Variants in RASAL2 observed in about 807,000 individuals in gnomAD.
RASAL2 encodes RAS protein activator like 2.
A neutral mutation model predicts 128.9 loss-of-function variants in RASAL2; 58 were observed. The observed-to-expected ratio is 0.45, with a 90% CI of 0.36 to 0.56. The LOEUF is 0.56. Ranked by LOEUF, RASAL2 falls within the 20% of genes least tolerant of loss-of-function variation. The probability of loss-of-function intolerance (pLI) is 0.00; values close to 1 mark genes in which losing one functional copy is unlikely to be tolerated. For missense variants in RASAL2, 1,360 were observed against 1,601.6 expected (o/e 0.85, Z 2.57); for synonymous variants, 561 against 580.8 (o/e 0.97, Z 0.49).
intron 9 of RASAL2, among the ~76,000 whole-genome samples, chr1:178,449,243 T>C (rs1185494402): frequency 2.0e-5 from 3 of 152,168 alleles, no homozygotes; most frequent in African/African-American, 4.8e-5. Flanking sequence ...TGTTTAGACT[T>C]GAATCTTCCA....
At chr1:178,103,232 A>T (rs948278398) in intron 1 of RASAL2, among the ~76,000 whole-genome samples, 4 of 149,492 alleles carry the variant, frequency 2.7e-5, no homozygotes, top group Non-Finnish European at 5.9e-5. Flanking sequence ...TTTTCCTTTC[A>T]TTTTGTAAAG....
chr1:178,336,357 CAA>C (rs1280878091), intron 3 of RASAL2, among the ~76,000 whole-genome samples: 2 of 151,820 alleles, frequency 1.3e-5, no homozygotes, highest in African/African-American at 4.8e-5. Flanking sequence ...AGTGGTAAGC[CAA>C]AGACTGATTG....
intron 1 of RASAL2, among the ~76,000 whole-genome samples, chr1:178,193,707 C>T (rs552215508): frequency 6.6e-6 from 1 of 152,066 alleles, no homozygotes; most frequent in East Asian, 1.9e-4. Context: ...TTTCCTTGTA[C>T]CTAAACACTT....
At chr1:178,233,391 A>T (rs1664090932) in intron 1 of RASAL2, among the ~76,000 whole-genome samples, 1 of 152,226 alleles carries the variant, frequency 6.6e-6, no homozygotes, top group South Asian at 2.1e-4. Flanking sequence ...AACAAGTTTA[A>T]AGAGTTATCC....
chr1:178,453,819 T>G (rs947857590), intron 11 of RASAL2, among the ~76,000 whole-genome samples: 3 of 152,160 alleles, frequency 2.0e-5, no homozygotes, highest in Non-Finnish European at 2.9e-5. Context: ...AAATTGGAAC[T>G]TCAGTGAACA....
chr1:178,379,099 T>C, intron 3 of RASAL2, among the ~76,000 whole-genome samples: 1 of 152,130 alleles, frequency 6.6e-6, no homozygotes, highest in Middle Eastern at 3.2e-3. Context: ...AATAGACTAT[T>C]ATAAAAAAGA....
At chr1:178,243,190 G>C (rs986675393) in intron 1 of RASAL2, among the ~76,000 whole-genome samples, 2 of 152,150 alleles carry the variant, frequency 1.3e-5, no homozygotes, top group African/African-American at 4.8e-5. Flanking sequence ...TGTGCTTCCA[G>C]TGACAATTTA....
At position 178,389,990 on chromosome 1, in the gene RASAL2, A is replaced by G. The variant is rs1672797831; in HGVS notation, c.458-110A>G. 18 of 678,632 alleles carry G rather than the reference A, an allele frequency of 2.7e-5. 1 individual carries two copies. The South Asian group carries it at 3.7e-4, about 14-fold the overall frequency. 42.0% of individuals were successfully genotyped at this position (678,632 alleles called of 1,614,324 possible). On this transcript the variant is annotated intron_variant, in intron 3 of 17. Transcript: ENST00000367649. The stretch of plus-strand genomic sequence containing the variant: ...AATTATGTGAGATAGAATGTAATAT[A>G]CCTTTAAAGCATGCTGGTTTATTGT...
intron 1 of RASAL2, among the ~76,000 whole-genome samples, chr1:178,241,585 G>A (rs1238233942): frequency 6.6e-6 from 1 of 152,176 alleles, no homozygotes; most frequent in East Asian, 1.9e-4. Context: ...AATTTAACTA[G>A]AATACATTGA....
At position 178,404,523 on chromosome 1, in the gene RASAL2, A is replaced by G. The variant is rs374434186; in HGVS notation, c.564+14317A>G. On this transcript the variant is annotated intron_variant, in intron 4 of 17. Coordinates refer to ENST00000367649, the MANE Select transcript of RASAL2 (RefSeq NM_170692.4). ...AGCCTCTGGAGTAGCTGGGACTACA[A>G]GCCCGTACCACCACGCCCAGATAAT... Among the ~76,000 whole-genome samples the G allele has an allele frequency of 7.3e-5, 11 of 151,582 alleles. No individual in the cohort carries two copies. The East Asian group carries it at 1.6e-3, about 22-fold the overall frequency.
At chr1:178,319,787 C>G (rs1668663168) in intron 3 of RASAL2, among the ~76,000 whole-genome samples, 1 of 152,188 alleles carries the variant, frequency 6.6e-6, no homozygotes, top group Non-Finnish European at 1.5e-5. Flanking sequence ...GCCTTCTTCT[C>G]TCAGCTCGTC....
At chr1:178,352,471 C>T (rs1314734308) in intron 3 of RASAL2, among the ~76,000 whole-genome samples, 3 of 152,092 alleles carry the variant, frequency 2.0e-5, no homozygotes, top group African/African-American at 7.2e-5. Flanking sequence ...CAATCCATTC[C>T]TGTGGGCCTT....
At chr1:178,397,916 G>T (rs1581056) in intron 4 of RASAL2, among the ~76,000 whole-genome samples, 1 of 151,888 alleles carries the variant, frequency 6.6e-6, no homozygotes, top group African/African-American at 2.4e-5. Flanking sequence ...ATGCCCAGCA[G>T]AGTTGCACAC....
chr1:178,429,726 A>G (rs1225072183), intron 5 of RASAL2, among the ~76,000 whole-genome samples: 1 of 152,082 alleles, frequency 6.6e-6, no homozygotes, highest in Non-Finnish European at 1.5e-5. Flanking sequence ...ACTCCTGCCA[A>G]AAGTCTTCTT....
chr1:178,402,805 G>T (rs1673730964), intron 4 of RASAL2, among the ~76,000 whole-genome samples: 1 of 151,820 alleles, frequency 6.6e-6, no homozygotes, highest in Admixed American at 6.6e-5. Context: ...TATTCTTAGA[G>T]TCCTAGAAAT....
chr1:178,214,699 C>T (rs554676026), intron 1 of RASAL2, among the ~76,000 whole-genome samples: 3 of 152,144 alleles, frequency 2.0e-5, no homozygotes, highest in Non-Finnish European at 4.4e-5. Flanking sequence ...GCTGGGACTA[C>T]AGGTGCCTGC....
intron 3 of RASAL2, among the ~76,000 whole-genome samples, chr1:178,389,468 G>A (rs1176235216): frequency 3.9e-5 from 6 of 152,128 alleles, no homozygotes; most frequent in African/African-American, 1.4e-4. Flanking sequence ...AAAATCCTAA[G>A]CTTGTTAGGT....
chr1:178,148,165 A>C (rs1173623295), intron 1 of RASAL2, among the ~76,000 whole-genome samples: 1 of 151,806 alleles, frequency 6.6e-6, no homozygotes, highest in African/African-American at 2.4e-5. Flanking sequence ...ACATTTCTCC[A>C]GTGTTCATTT....
intron 6 of RASAL2, among the ~76,000 whole-genome samples, chr1:178,440,039 C>A (rs1380221936): frequency 6.7e-6 from 1 of 148,216 alleles, no homozygotes; most frequent in African/African-American, 2.6e-5. Flanking sequence ...ACCTAAATGT[C>A]TTATTTATTT....
Sources: gnomAD v4.1 joint callset for allele counts (sites outside exome capture counted in the v4.1 genomes callset) on GRCh38, gnomAD v4.1.1 for gene constraint, MANE v1.5 for transcripts, NCBI Gene and HGNC (gene_info 2026-07-23, HGNC 2026-07-21) for gene names.